The following TRIM2 variants were observed in gnomAD, a reference collection of about 807,000 sequenced individuals.
TRIM2 encodes the protein tripartite motif-containing protein 2.
TRIM2 carries 20 observed loss-of-function variants against 75.2 expected under a neutral mutation model. That is an observed-to-expected ratio of 0.27 (90% CI 0.19 to 0.39). The LOEUF (loss-of-function observed/expected upper bound fraction) is 0.39. Ranked by LOEUF, TRIM2 falls within the 10% of genes least tolerant of loss-of-function variation. The pLI is 1.00. For synonymous variants in TRIM2, 373 were observed against 388.3 expected (o/e 0.96, Z 0.46); for missense variants, 660 against 990.8 (o/e 0.67, Z 4.48).
At chr4:153,217,606 T>C (rs11723584) in intron 1 of TRIM2, among the ~76,000 whole-genome samples, 53,919 of 152,008 alleles carry the variant, frequency 0.35, 10,415 homozygotes, top group East Asian at 0.62. Context: ...ATACTGCCTC[T>C]CAGTAATTCT....
chr4:153,253,173 C>T (rs746704300), intron 1 of TRIM2, among the ~76,000 whole-genome samples: 5 of 152,100 alleles, frequency 3.3e-5, no homozygotes, highest in Admixed American at 6.6e-5. Context: ...TCTAAAGGAG[C>T]GCAAGAAGTT....
At chr4:153,247,018 C>G (rs776617982) in intron 1 of TRIM2, among the ~76,000 whole-genome samples, 17 of 152,270 alleles carry the variant, frequency 1.1e-4, no homozygotes, top group Non-Finnish European at 1.9e-4. Context: ...TGTCCAGAGA[C>G]GATGACTTAC....
At chr4:153,329,145 C>T (rs1770886641) in intron 11 of TRIM2, among the ~76,000 whole-genome samples, 1 of 151,962 alleles carries the variant, frequency 6.6e-6, no homozygotes, top group African/African-American at 2.4e-5. Flanking sequence ...AATTATTAGA[C>T]CCATTACTAT....
Position 153,295,356 on chromosome 4 carries a change from G to C in TRIM2, c.830G>C (p.Ser277Thr), listed in dbSNP as rs768739196. Residue 277 changes from serine to threonine, a missense_variant, in exon 6 of 12, where the codon AGC becomes ACC. Transcript: ENST00000338700. This position sits in a 1 kb window ranked among gnomAD's most constrained non-coding sequence, Gnocchi z 7.2. ...GATACTCTGCTCCAGGGGCAGGAGA[G>C]CATTAAGAGCTGCAGCAACTTCACA... ...QLDTLLQGQESIKSCSNFTAQ... is the reference protein window; with the variant it reads ...QLDTLLQGQETIKSCSNFTAQ... 3.7e-6 allele frequency: 6 copies of C among 1,612,794 alleles called. No individual in the cohort carries two copies.
chr4:153,273,999 G>A (rs1757476613), intron 2 of TRIM2, among the ~76,000 whole-genome samples: 1 of 152,218 alleles, frequency 6.6e-6, no homozygotes, highest in Non-Finnish European at 1.5e-5. Context: ...ACTTAAATAA[G>A]TCCACTGTGG....
intron 1 of TRIM2, among the ~76,000 whole-genome samples, chr4:153,206,640 A>T (rs1156644487): frequency 6.6e-6 from 1 of 152,000 alleles, no homozygotes; most frequent in African/African-American, 2.4e-5. Flanking sequence ...TGATCAAACC[A>T]TTGGCCATCG....
In TRIM2 at chr4:153,336,197, G is replaced by T; in HGVS notation, c.*1231G>T. 3.0e-6 allele frequency: 3 copies of T among 985,390 alleles called. No individual in the cohort carries two copies. Among genetic ancestry groups the T allele is most frequent in the Non-Finnish European group, 2.4e-6 (2 of 829,880 alleles). 61.0% of individuals were successfully genotyped at this position (985,390 alleles called of 1,614,324 possible). A position where few individuals can be genotyped will look rare whatever the true frequency, so the allele number is the denominator to read the frequency against. On this transcript the variant is annotated 3_prime_UTR_variant, in exon 12 of 12. Coordinates refer to ENST00000338700, the MANE Select transcript of TRIM2 (RefSeq NM_015271.5). ...GAAATAGGCAGCACTCTGAAAGACA[G>T]AAGCTTCGTCCAGCCACTCTTCAGC...
Position 153,337,492 on chromosome 4 carries a change from C to CCA in TRIM2, c.*2527_*2528dup. On this transcript the variant is annotated 3_prime_UTR_variant, in exon 12 of 12. Coordinates refer to ENST00000338700, the MANE Select transcript of TRIM2 (RefSeq NM_015271.5). ...TGCTAAAACACATGCTATGAGCACTCCAGGAAACACTATATTTTTTCCAAA... is the reference window on the plus strand; with the variant it reads ...TGCTAAAACACATGCTATGAGCACTCCACAGGAAACACTATATTTTTTCCAAA... The CCA allele has an allele frequency of 1.0e-6, 1 of 985,716 alleles. No individual in the cohort carries two copies. The highest frequency in any genetic ancestry group is 1.2e-6 in the Non-Finnish European group (1 of 829,916). The allele number at this position is 985,716 out of a possible 1,614,324, so 61.1% of individuals were successfully genotyped here. A position where few individuals can be genotyped will look rare whatever the true frequency, so the allele number is the denominator to read the frequency against.
At chr4:153,329,180 T>A (rs1329394426) in intron 11 of TRIM2, among the ~76,000 whole-genome samples, 1 of 152,178 alleles carries the variant, frequency 6.6e-6, no homozygotes, top group East Asian at 1.9e-4. Context: ...TGTGCTAATT[T>A]TTAGAAGCAC....
intron 1 of TRIM2, among the ~76,000 whole-genome samples, chr4:153,199,293 G>T (rs909780442): frequency 2.6e-5 from 4 of 152,144 alleles, no homozygotes; most frequent in African/African-American, 9.7e-5. Flanking sequence ...ATGTTAAAAT[G>T]AACTGAGTTC....
intron 1 of TRIM2, among the ~76,000 whole-genome samples, chr4:153,249,277 T>A (rs945017502): frequency 6.6e-6 from 1 of 152,258 alleles, no homozygotes; most frequent in African/African-American, 2.4e-5. Flanking sequence ...TTCTTCCGCC[T>A]GAGCGCAGCT....
chr4:153,165,116 A>G lies in TRIM2; in HGVS notation c.-49+11846A>G, dbSNP rs560207165. 2.6e-5 allele frequency among the ~76,000 whole-genome samples: 4 copies of G among 152,164 alleles called. No individual in the cohort carries two copies. In the South Asian group the frequency reaches 8.3e-4, roughly 32 times the overall value. On this transcript the variant is annotated intron_variant, in intron 1 of 11. Coordinates refer to the TRIM2 transcript ENST00000437508. ...TGGGATTTTCCTCTCTTAGTTCTCAATCCCACCCCAATTTGGACTGGTTTT... is the reference window on the plus strand; with the variant it reads ...TGGGATTTTCCTCTCTTAGTTCTCAGTCCCACCCCAATTTGGACTGGTTTT...
In TRIM2 at chr4:153,334,983, A is replaced by T; in HGVS notation, c.*17A>T. 1.2e-6 allele frequency: 2 copies of T among 1,604,982 alleles called. No homozygotes were observed. On this transcript the variant is annotated 3_prime_UTR_variant, in exon 12 of 12. Transcript: ENST00000338700. ...TTACAGTAATGGTGGGCAGGTGGATACCCGCTTCCATGGTCTTGCACTATA... is the reference window on the plus strand; with the variant it reads ...TTACAGTAATGGTGGGCAGGTGGATTCCCGCTTCCATGGTCTTGCACTATA...
At chr4:153,205,132 G>A (rs1405519631) in intron 1 of TRIM2, among the ~76,000 whole-genome samples, 1 of 152,166 alleles carries the variant, frequency 6.6e-6, no homozygotes, top group Non-Finnish European at 1.5e-5. Flanking sequence ...TCCCTCTGCC[G>A]TGCGACTGTG....
rs540801921 is a variant in TRIM2 at position 153,209,872 on chromosome 4, T to C, written c.30+5312T>C. On this transcript the variant is annotated intron_variant, in intron 1 of 11. Transcript: ENST00000338700. Reference sequence around the variant, plus strand: ...TATCCCACCAGAGACCTTCCAAGGATGGGTTTTTTCCTCCATATGACTTCT... The same window carrying C: ...TATCCCACCAGAGACCTTCCAAGGACGGGTTTTTTCCTCCATATGACTTCT... Among the ~76,000 whole-genome samples the C allele has an allele frequency of 2.8e-4, 43 of 152,264 alleles. No homozygotes were observed. The South Asian group carries it at 7.5e-3, about 26-fold the overall frequency.
At chr4:153,224,634 T>C (rs1160388909) in intron 1 of TRIM2, among the ~76,000 whole-genome samples, 1 of 152,224 alleles carries the variant, frequency 6.6e-6, no homozygotes, top group African/African-American at 2.4e-5. Flanking sequence ...CTGAGAACAT[T>C]TTTCCAATTC....
At chr4:153,311,726 ATTTT>A (rs34229298) in intron 6 of TRIM2, among the ~76,000 whole-genome samples, 1 of 138,434 alleles carries the variant, frequency 7.2e-6, no homozygotes, top group Admixed American at 7.3e-5. Context: ...GTGTTTATCA[ATTTT>A]TTTTTTTTTT....
At chr4:153,207,160 C>G (rs183902638) in intron 1 of TRIM2, among the ~76,000 whole-genome samples, 1 of 152,210 alleles carries the variant, frequency 6.6e-6, no homozygotes, top group Non-Finnish European at 1.5e-5. Flanking sequence ...ATTCACACTT[C>G]AGGTCACTTA....
intron 1 of TRIM2, among the ~76,000 whole-genome samples, chr4:153,263,618 C>T (rs146197394): frequency 2.0e-5 from 3 of 152,206 alleles, no homozygotes; most frequent in East Asian, 1.9e-4. Flanking sequence ...AGGGGGAGGG[C>T]GGAGACAATA....
Sources: gnomAD v4.1 joint callset for allele counts (sites outside exome capture counted in the v4.1 genomes callset) on GRCh38, gnomAD v4.1.1 for gene constraint, Gnocchi (gnomAD v3.1) non-coding constraint, MANE v1.5 for transcripts, NCBI Gene and HGNC (gene_info 2026-07-23, HGNC 2026-07-21) for gene names.